KLC1: variants seen among roughly 807,000 people sequenced by gnomAD.
The protein encoded by KLC1 is kinesin light chain 1, also known as kinesin 2 60/70kDa.
KLC1 carries 30 observed loss-of-function variants against 84.2 expected under a neutral mutation model. The observed-to-expected ratio is 0.36, with a 90% CI of 0.27 to 0.48. KLC1 has a LOEUF of 0.48. Among genes scored for constraint, KLC1 ranks in the 20% least tolerant of loss-of-function variants. KLC1 has a pLI of 0.99. For missense variants in KLC1, 499 were observed against 805.4 expected, an observed-to-expected ratio of 0.62 and a Z score of 4.60; for synonymous variants, 289 against 293.3, an observed-to-expected ratio of 0.99 and a Z score of 0.15.
rs141441366 is a variant in KLC1, at chr14:103,673,650, G to A, written c.1261+219G>A. Among the ~76,000 whole-genome samples, 37 of 152,330 alleles carry A rather than the reference G, an allele frequency of 2.4e-4. 1 individual carries two copies. The highest frequency in any genetic ancestry group is 1.2e-3 in the Admixed American group (19 of 15,298). ...AAAGCAAGGATACCACAGGCCGGGC[G>A]TGGTGGCTCACGCCTGTAATTCCAG... On this transcript the variant is annotated intron_variant, in intron 9 of 16. Transcript: ENST00000334553.
At chr14:103,675,067 G>A (rs765594420) in intron 9 of KLC1, among the ~76,000 whole-genome samples, 5 of 152,194 alleles carry the variant, frequency 3.3e-5, no homozygotes, top group Non-Finnish European at 5.9e-5. Context: ...GGTGGCTCAC[G>A]CCTGTAATCC....
intron 5 of KLC1, among the ~76,000 whole-genome samples, chr14:103,666,218 C>T (rs1199167242): frequency 1.1e-4 from 16 of 152,202 alleles, no homozygotes; most frequent in African/African-American, 2.4e-4. Context: ...CGCCTGCCAC[C>T]GCGCCCGGCT....
At chr14:103,695,774 G>A (rs893560657) in intron 15 of KLC1, 31 of 985,334 alleles carry the variant, frequency 3.1e-5, no homozygotes, top group Non-Finnish European at 3.5e-5. Context: ...CAGCACTGTG[G>A]CTGTGGGAGC....
At chr14:103,666,095 T>TCA (rs772574269) in intron 5 of KLC1, among the ~76,000 whole-genome samples, 3 of 152,028 alleles carry the variant, frequency 2.0e-5, no homozygotes, top group African/African-American at 7.2e-5. Flanking sequence ...AGACGGAGTC[T>TCA]CGCTGTCACC....
At chr14:103,677,392 G>GT (rs1416987136) in intron 11 of KLC1, 23 bp from the exon 12 acceptor site, 12 of 1,380,390 alleles carry the variant, frequency 8.7e-6, no homozygotes, top group Non-Finnish European at 1.2e-5. Flanking sequence ...TCATAGTTCT[G>GT]TATGTCATGT....
intron 14 of KLC1, among the ~76,000 whole-genome samples, chr14:103,689,844 C>T (rs1046897539): frequency 2.0e-5 from 3 of 152,092 alleles, no homozygotes; most frequent in Middle Eastern, 3.2e-3. Context: ...TCTTTCGTTT[C>T]GTAAAAGGGG....
intron 1 of KLC1, among the ~76,000 whole-genome samples, chr14:103,643,218 A>C (rs1201554005): frequency 6.6e-6 from 1 of 152,244 alleles, no homozygotes; most frequent in Admixed American, 6.5e-5. Context: ...AGAATTCCAA[A>C]TAATGGTAGA....
In KLC1 at chr14:103,679,493, A is replaced by G. The variant is rs1205240454; in HGVS notation, c.1598A>G (p.Glu533Gly). The change falls in exon 13 of 17, where the codon GAG becomes GGG. Residue 533 changes from glutamate to glycine, a missense_variant. Around this residue, in one of 3 missense-constraint regions of KLC1, gnomAD observed 167 missense variants for 208.8 expected, o/e 0.80. Coordinates refer to ENST00000334553, the MANE Select transcript of KLC1 (RefSeq NM_001394837.1). ...ESLNVDVVKY[E>G]SGPDGGEEVS... ...CTCAACGTGGACGTGGTCAAGTACG[A>G]GAGTGGCCCTGACGGAGGGGAGGAA... 7 of 1,613,952 alleles carry G rather than the reference A, an allele frequency of 4.3e-6. No individual in the cohort carries two copies. Among genetic ancestry groups the G allele is most frequent in the Non-Finnish European group, 5.9e-6 (7 of 1,179,982 alleles).
chr14:103,662,602 A>ACT, intron 4 of KLC1, 100 bp from the exon 5 acceptor site: 1 of 928,012 alleles, frequency 1.1e-6, no homozygotes, highest in Non-Finnish European at 1.6e-6. Flanking sequence ...GGGGCCAAGT[A>ACT]CTAACTTGAA....
chr14:103,643,088 A>T (rs571975768), intron 1 of KLC1, among the ~76,000 whole-genome samples: 2 of 152,340 alleles, frequency 1.3e-5, no homozygotes, highest in South Asian at 4.1e-4. Context: ...TATTTTTAAC[A>T]ATTAGTATTT....
At chr14:103,667,470 G>A (rs1022288918) in intron 5 of KLC1, among the ~76,000 whole-genome samples, 1 of 152,040 alleles carries the variant, frequency 6.6e-6, no homozygotes, top group African/African-American at 2.4e-5. Flanking sequence ...CGAGTAGCTG[G>A]GACTACAGGT....
chr14:103,700,428 T>G, intron 15 of KLC1: 5 of 464,298 alleles, frequency 1.1e-5, no homozygotes, highest in Non-Finnish European at 1.1e-5. Context: ...TGGTGAGCCA[T>G]GGTGATGGGG....
intron 5 of KLC1, among the ~76,000 whole-genome samples, chr14:103,663,163 T>C (rs1350290788): frequency 6.6e-6 from 1 of 151,218 alleles, no homozygotes; most frequent in Non-Finnish European, 1.5e-5. Flanking sequence ...CACTGCAAGC[T>C]CCGCCTCCCG....
intron 5 of KLC1, among the ~76,000 whole-genome samples, chr14:103,668,914 A>G (rs968335779): frequency 2.0e-5 from 3 of 151,570 alleles, no homozygotes; most frequent in Non-Finnish European, 4.4e-5. Context: ...AGTAGCTGGG[A>G]CTAAAGCCGC....
intron 1 of KLC1, among the ~76,000 whole-genome samples, chr14:103,643,843 A>C (rs1389160459): frequency 1.3e-5 from 2 of 151,944 alleles, no homozygotes; most frequent in South Asian, 2.1e-4. Flanking sequence ...CAGGAGAATC[A>C]CTTGAGCGCA....
At chr14:103,658,049 T>C (rs548518385) in intron 3 of KLC1, among the ~76,000 whole-genome samples, 53 of 152,278 alleles carry the variant, frequency 3.5e-4, no homozygotes, top group African/African-American at 1.3e-3. Context: ...CAGCTGCTGG[T>C]CTAGCAGTGG....
In KLC1 at chr14:103,670,244, A is replaced by C; in HGVS notation, c.948A>C (p.Ala316=). ...LYGKRGKYKE[A]EPLCKRALEI... ...GTAAAAGAGGGAAGTACAAAGAAGC[A>C]GAGCCGTTGTGTAAAAGAGCTCTGG... Residue 316 remains alanine (A), a synonymous_variant, in exon 7 of 17, where the codon GCA becomes GCC. Transcript: ENST00000334553. 2 of 1,613,424 alleles carry C rather than the reference A, an allele frequency of 1.2e-6. No individual in the cohort carries two copies. The highest frequency in any genetic ancestry group is 3.3e-5 in the Admixed American group (2 of 60,014).
chr14:103,636,046 T>C (rs1244831095), intron 1 of KLC1, among the ~76,000 whole-genome samples: 2 of 152,140 alleles, frequency 1.3e-5, no homozygotes, highest in Non-Finnish European at 2.9e-5. Flanking sequence ...CATTTAAAAG[T>C]TCACAATTCA....
At chr14:103,648,549 G>A (rs762735914) in intron 1 of KLC1, among the ~76,000 whole-genome samples, 36 of 152,220 alleles carry the variant, frequency 2.4e-4, no homozygotes, top group Non-Finnish European at 4.3e-4. Flanking sequence ...TTCGGAGGGT[G>A]AAGTGGACAG....
Sources: gnomAD v4.1 joint callset for allele counts (sites outside exome capture counted in the v4.1 genomes callset) on GRCh38, gnomAD v4.1.1 for gene constraint, gnomAD v4.1.1 regional missense constraint, MANE v1.5 for transcripts, NCBI Gene and HGNC (gene_info 2026-07-23, HGNC 2026-07-21) for gene names.